Variants in STK32B observed in about 807,000 individuals in gnomAD.
The protein encoded by STK32B is serine/threonine-protein kinase 32B.
In STK32B, 43 loss-of-function variants were observed where a neutral mutation model predicts 52.6. That is an observed-to-expected ratio of 0.82 (90% confidence interval 0.64 to 1.05). STK32B has a LOEUF of 1.05. STK32B is among the 50% of genes least tolerant of loss of function. The pLI is 0.00. For synonymous variants in STK32B, 238 were observed against 204.3 expected, an observed-to-expected ratio of 1.17 and a Z score of -1.41; for missense variants, 621 against 534.6, an observed-to-expected ratio of 1.16 and a Z score of -1.59.
intron 11 of STK32B, among the ~76,000 whole-genome samples, chr4:5,483,454 T>C (rs1718888137): frequency 6.6e-6 from 1 of 152,174 alleles, no homozygotes; most frequent in South Asian, 2.1e-4. Flanking sequence ...CATTTTTTAT[T>C]GCATCTATTT....
chr4:5,160,902 G>A (rs1718390092), intron 2 of STK32B, among the ~76,000 whole-genome samples: 1 of 152,150 alleles, frequency 6.6e-6, no homozygotes, highest in Admixed American at 6.5e-5. Flanking sequence ...CATGACCTGT[G>A]AGCACAGCCT....
chr4:5,363,577 G>T (rs770675933), intron 4 of STK32B, among the ~76,000 whole-genome samples: 1 of 152,166 alleles, frequency 6.6e-6, no homozygotes, highest in African/African-American at 2.4e-5. Flanking sequence ...TACAGGGCTT[G>T]TCAAAGGCTG....
At chr4:5,307,547 TC>T (rs1438396061) in intron 3 of STK32B, among the ~76,000 whole-genome samples, 2 of 118,226 alleles carry the variant, frequency 1.7e-5, no homozygotes, top group African/African-American at 1.1e-4. Context: ...ATATGCTCTA[TC>T]TTTTTTTTTT....
At chr4:5,051,972 C>T (rs1460572929) in intron 1 of STK32B, 57 bp downstream of exon 1, 1 of 1,551,176 alleles carries the variant, frequency 6.4e-7, no homozygotes, top group Admixed American at 2.0e-5. Flanking sequence ...TCCTCCACCA[C>T]CCTCGGCCGA....
chr4:5,417,740 G>T (rs75357037), intron 6 of STK32B, among the ~76,000 whole-genome samples: 4,275 of 152,172 alleles, frequency 0.028, 201 homozygotes, highest in African/African-American at 0.096. Context: ...ATCAATTACT[G>T]TGTAACAAAC....
At chr4:5,044,507 C>G in the STK32B span, among the ~76,000 whole-genome samples, 1 of 152,142 alleles carries the variant, frequency 6.6e-6, no homozygotes, top group South Asian at 2.1e-4. Flanking sequence ...CTTCATCCTT[C>G]CAGTTGTTCA....
At chr4:5,162,485 C>G (rs991677244) in intron 2 of STK32B, among the ~76,000 whole-genome samples, 1 of 152,218 alleles carries the variant, frequency 6.6e-6, no homozygotes, top group East Asian at 1.9e-4. Context: ...TCCACTGACT[C>G]AGGATCCATT....
intron 4 of STK32B, among the ~76,000 whole-genome samples, chr4:5,337,005 G>A (rs1732748061): frequency 6.6e-6 from 1 of 152,110 alleles, no homozygotes; most frequent in African/African-American, 2.4e-5. Flanking sequence ...TCTTGAGACA[G>A]AGTTTTGCTG....
chr4:5,472,330 C>G (rs946430509), intron 11 of STK32B, among the ~76,000 whole-genome samples: 1 of 152,222 alleles, frequency 6.6e-6, no homozygotes, highest in African/African-American at 2.4e-5. Context: ...CTGGGGCTAA[C>G]CTCTCTGGAC....
chr4:5,212,283 C>A (rs933827882), intron 3 of STK32B, among the ~76,000 whole-genome samples: 2 of 152,150 alleles, frequency 1.3e-5, no homozygotes, highest in African/African-American at 4.8e-5. Context: ...TAACATGACA[C>A]AGCTACCAAA....
intron 6 of STK32B, among the ~76,000 whole-genome samples, chr4:5,436,840 TAAG>T (rs10533361): frequency 0.094 from 14,291 of 152,086 alleles, 1,014 homozygotes; most frequent in East Asian, 0.4. Flanking sequence ...CCAATTCTAA[TAAG>T]GAGGTGTGGA....
intron 5 of STK32B, among the ~76,000 whole-genome samples, chr4:5,410,605 T>G (rs1450824055): frequency 6.6e-6 from 1 of 152,144 alleles, no homozygotes; most frequent in African/African-American, 2.4e-5. Flanking sequence ...GAGGTCCCAG[T>G]AAGACTGCTA....
At position 5,453,051 on chromosome 4, in the gene STK32B, C is replaced by T. The variant is rs574994266; in HGVS notation, c.667-3756C>T. On this transcript the variant is annotated intron_variant, in intron 7 of 11. Coordinates refer to ENST00000282908, the MANE Select transcript of STK32B (RefSeq NM_018401.3). This position sits in a 1 kb window ranked among gnomAD's most constrained non-coding sequence, Gnocchi z 4.0. Reference sequence around the variant, plus strand: ...TCTCTACAACCACTCAAACAGATGACGGCTGAACCTGGTGCCTAAAGCTGT... The same window carrying T: ...TCTCTACAACCACTCAAACAGATGATGGCTGAACCTGGTGCCTAAAGCTGT... Among the ~76,000 whole-genome samples the T allele has an allele frequency of 1.1e-4, 16 of 152,194 alleles. No individual in the cohort carries two copies. Among genetic ancestry groups the T allele is most frequent in the African/African-American group, 3.1e-4 (13 of 41,536 alleles).
chr4:5,175,516 T>C (rs1196153779), intron 3 of STK32B, among the ~76,000 whole-genome samples: 1 of 152,234 alleles, frequency 6.6e-6, no homozygotes, highest in Non-Finnish European at 1.5e-5. Flanking sequence ...GTTTTCCTTC[T>C]AACAGTCAGG....
intron 11 of STK32B, among the ~76,000 whole-genome samples, chr4:5,497,960 AATT>A (rs1720432591): frequency 2.0e-5 from 3 of 152,150 alleles, no homozygotes; most frequent in Non-Finnish European, 2.9e-5. Flanking sequence ...AACTAATAGT[AATT>A]ATTATTATTC....
At chr4:5,238,168 G>A (rs1274523742) in intron 3 of STK32B, among the ~76,000 whole-genome samples, 3 of 152,066 alleles carry the variant, frequency 2.0e-5, no homozygotes, top group East Asian at 1.9e-4. Context: ...TTATGGATTC[G>A]CTCACGGTTC....
rs754612675 is a variant in STK32B at position 5,331,353 on chromosome 4, C to T, written c.394C>T (p.Leu132=). Residue 132 remains leucine, a synonymous_variant, in exon 4 of 12, where the codon CTG becomes TTG. Coordinates refer to ENST00000282908, the MANE Select transcript of STK32B (RefSeq NM_018401.3). ...GAAACTCTACATCTGTGAGCTGGCA[C>T]TGGCCCTGGAGTATCTTCAGAGGTA... is the stretch of plus-strand genomic sequence containing the variant. ...TVKLYICELA[L]ALEYLQRYHI... is the part of the protein sequence containing the mutation. 3 of 1,613,740 alleles carry T rather than the reference C, an allele frequency of 1.9e-6. No individual in the cohort carries two copies. Among genetic ancestry groups the T allele is most frequent in the Middle Eastern group, 3.3e-4 (2 of 6,060 alleles).
chr4:5,374,782 G>A (rs1270004048), intron 4 of STK32B, among the ~76,000 whole-genome samples: 2 of 150,668 alleles, frequency 1.3e-5, no homozygotes, highest in South Asian at 2.1e-4. Flanking sequence ...ACGGGGGCGG[G>A]GGGGGAACAC....
chr4:5,360,443 A>G (rs1399006572), intron 4 of STK32B, among the ~76,000 whole-genome samples: 3 of 152,328 alleles, frequency 2.0e-5, no homozygotes, highest in Admixed American at 6.5e-5. Flanking sequence ...TCACTGGACC[A>G]GCCAGAGGAG....
Sources: gnomAD v4.1 joint callset for allele counts (sites outside exome capture counted in the v4.1 genomes callset) on GRCh38, gnomAD v4.1.1 for gene constraint, Gnocchi (gnomAD v3.1) non-coding constraint, MANE v1.5 for transcripts, NCBI Gene and HGNC (gene_info 2026-07-23, HGNC 2026-07-21) for gene names.